The following CEP295 variants were observed in gnomAD, a reference collection of about 807,000 sequenced individuals.
CEP295 encodes the protein centrosomal protein of 295 kDa.
A neutral mutation model predicts 291.6 loss-of-function variants in CEP295; 190 were observed. That is an observed-to-expected ratio of 0.65 (90% CI 0.58 to 0.73). The LOEUF is 0.73. CEP295 is among the 30% of genes least tolerant of loss of function. The probability of loss-of-function intolerance (pLI) is 0.00; values close to 1 mark genes in which losing one functional copy is unlikely to be tolerated. For missense variants in CEP295, 2,863 were observed against 2,949.4 expected (o/e 0.97, Z 0.68); for synonymous variants, 993 against 1,038.8 (o/e 0.96, Z 0.85).
intron 18 of CEP295, among the ~76,000 whole-genome samples, chr11:93,720,305 T>G (rs1483598410): frequency 6.6e-6 from 1 of 151,238 alleles, no homozygotes; most frequent in Non-Finnish European, 1.5e-5. Context: ...AAACTCCGTC[T>G]CTACTAAAAA....
rs1591180156 is a variant in CEP295, at chr11:93,728,812, C to T, written c.7293C>T (p.Cys2431=). 1 of 1,538,030 alleles carries T rather than the reference C, an allele frequency of 6.5e-7. No individual in the cohort carries two copies. The stretch of plus-strand genomic sequence containing the variant: ...AGAAGAGCGAGAATGAAGCAAAATG[C>T]TTCTTTCAGGTAAATTTAAGCTTTC... The part of the protein sequence containing the change: ...LEEKSENEAK[C]FFQVSEFLPL... Residue 2431 remains cysteine (C), a synonymous_variant, in exon 25 of 30, where the codon TGC becomes TGT. Coordinates refer to ENST00000325212, the MANE Select transcript of CEP295 (RefSeq NM_033395.2).
chr11:93,721,118 G>A, intron 18 of CEP295, among the ~76,000 whole-genome samples, 194 bp from the exon 19 acceptor site: 1 of 152,128 alleles, frequency 6.6e-6, no homozygotes, highest in Non-Finnish European at 1.5e-5. Context: ...AAAGTATATT[G>A]TGCTGACTAG....
Position 93,667,658 on chromosome 11 carries a change from CAGA to C in CEP295, c.161_163del (p.Gln54del). ...CTTACAGATAAGAGAAGACATAAAACAGAGGAGAAATCAACAATTTACACGTTT... is the reference window on the plus strand; with the variant it reads ...CTTACAGATAAGAGAAGACATAAAACGGAGAAATCAACAATTTACACGTTT... On this transcript the variant is annotated inframe_deletion, in exon 3 of 30. Transcript: ENST00000325212. 4 of 1,551,264 alleles carry C rather than the reference CAGA, an allele frequency of 2.6e-6. No individual in the cohort carries two copies. Among genetic ancestry groups the C allele is most frequent in the Non-Finnish European group, 3.5e-6 (4 of 1,146,696 alleles).
intron 10 of CEP295, among the ~76,000 whole-genome samples, chr11:93,688,581 T>C (rs1951362827): frequency 6.6e-6 from 1 of 151,982 alleles, no homozygotes; most frequent in East Asian, 1.9e-4. Flanking sequence ...TTCACTTGGT[T>C]TTCGTACTTT....
At chr11:93,726,930 A>G in intron 23 of CEP295, 46 bp from the exon 24 acceptor site, 1 of 1,416,700 alleles carries the variant, frequency 7.1e-7, no homozygotes, top group Middle Eastern at 1.8e-4. Context: ...TCCAACTTTT[A>G]CAACATGTAA....
chr11:93,679,610 G>T, intron 7 of CEP295, 58 bp downstream of exon 7: 2 of 1,385,912 alleles, frequency 1.4e-6, no homozygotes, highest in South Asian at 2.8e-5. Flanking sequence ...AGCATTGCAG[G>T]ACTGATTAGT....
chr11:93,702,708 G>A, intron 16 of CEP295, 68 bp from the exon 17 acceptor site: 1 of 1,534,778 alleles, frequency 6.5e-7, no homozygotes, highest in East Asian at 2.5e-5. Context: ...TAGCTTGCTA[G>A]TTGAAGAAAA....
Position 93,729,463 on chromosome 11 carries a change from A to C in CEP295, c.7332A>C (p.Ala2444=), listed in dbSNP as rs954616222. ...GTGAGTTTCTGCCTCTTGTATCAGC[A>C]ACAGAAGCCTCAGATTATCCAGCTG... ...QVSEFLPLVS[A]TEASDYPAVS... The change falls in exon 26 of 30, where the codon GCA becomes GCC. Residue 2444 remains alanine, a synonymous_variant. Transcript: ENST00000325212. The C allele has an allele frequency of 6.4e-7, 1 of 1,551,886 alleles. No individual in the cohort carries two copies. The highest frequency in any genetic ancestry group is 2.0e-5 in the Admixed American group (1 of 51,006).
In CEP295 at chr11:93,666,687, T is replaced by C; in HGVS notation, c.-21T>C. 1 of 1,241,674 alleles carries C rather than the reference T, an allele frequency of 8.1e-7. No individual in the cohort carries two copies. Among genetic ancestry groups the C allele is most frequent in the Non-Finnish European group, 1.1e-6 (1 of 878,664 alleles). 76.9% of individuals were successfully genotyped at this position (1,241,674 alleles called of 1,614,324 possible). A position where few individuals can be genotyped will look rare whatever the true frequency, so the allele number is the denominator to read the frequency against. The stretch of plus-strand genomic sequence containing the variant: ...ATTTTCCTTTTTGAATTCAGAACTG[T>C]CATACATAAAGTACACAGAAATGAA... On this transcript the variant is annotated 5_prime_UTR_variant, in exon 2 of 30. Coordinates refer to ENST00000325212, the MANE Select transcript of CEP295 (RefSeq NM_033395.2).
intron 5 of CEP295, among the ~76,000 whole-genome samples, chr11:93,674,478 C>T (rs1314076779): frequency 6.6e-6 from 1 of 152,170 alleles, no homozygotes; most frequent in Non-Finnish European, 1.5e-5. Context: ...GCGTAAGGAT[C>T]GCTTGAGCTC....
At chr11:93,721,665 GGTGTGTGTGTGTGTGTGT>G (rs59894789) in intron 19 of CEP295, 26 of 607,126 alleles carry the variant, frequency 4.3e-5, no homozygotes, top group African/African-American at 4.1e-4. Flanking sequence ...GCATATGTCT[GGTGTGTGTGTGTGTGTGT>G]GTGTGTGTGT....
rs1468138382 is a variant in CEP295, at chr11:93,727,069, C to T, written c.6593C>T (p.Ala2198Val). Reference sequence around the variant, plus strand: ...CTACCAAGTATTTTTAGCATTGAAGCAAGAGATTCTTCCCAAGGCATGAAA... The same window carrying T: ...CTACCAAGTATTTTTAGCATTGAAGTAAGAGATTCTTCCCAAGGCATGAAA... Reference protein sequence around the residue: ...ADLPSIFSIEARDSSQGMKNQ... With the variant: ...ADLPSIFSIEVRDSSQGMKNQ... Residue 2198 changes from alanine (A) to valine (V), a missense_variant, in exon 24 of 30, where the codon GCA becomes GTA. Ala to Val is a moderately conservative substitution (Grantham distance 64). Around this residue, in one of 3 missense-constraint regions of CEP295, gnomAD observed 2,295 missense variants for 2,335.7 expected, o/e 0.98. Coordinates refer to ENST00000325212, the MANE Select transcript of CEP295 (RefSeq NM_033395.2). 6.4e-7 allele frequency: 1 copy of T among 1,551,410 alleles called. No individual in the cohort carries two copies. The highest frequency in any genetic ancestry group is 8.7e-7 in the Non-Finnish European group (1 of 1,146,596).
rs1159759268 is a variant in CEP295 at position 93,684,019 on chromosome 11, TA to T, written c.1007del (p.Asn336IlefsTer25). The stretch of plus-strand genomic sequence containing the variant: ...AACCAGAGCCCTTGCCCACTGTGAC[TA>T]ATCAGATCCAAGATGAAGAGCTGGA... ...LEPEPLPTVT[N>X]QIQDEELDLS... On this transcript the variant is annotated frameshift_variant, in exon 9 of 30. Coordinates refer to ENST00000325212, the MANE Select transcript of CEP295 (RefSeq NM_033395.2). LOFTEE classifies it high-confidence loss of function. 1 of 1,551,770 alleles carries T rather than the reference TA, an allele frequency of 6.4e-7. No individual in the cohort carries two copies. Among genetic ancestry groups the T allele is most frequent in the African/African-American group, 1.4e-5 (1 of 73,044 alleles).
chr11:93,675,622 C>G lies in CEP295; in HGVS notation c.580C>G (p.His194Asp). Reference sequence around the variant, plus strand: ...AGTCAAAACCAATAGTTCTACCTACCATCATCTTCACACTTTTGTGAATAG... The same window carrying G: ...AGTCAAAACCAATAGTTCTACCTACGATCATCTTCACACTTTTGTGAATAG... The part of the protein sequence containing the change: ...SAVKTNSSTY[H>D]HLHTFVNRET... The change falls in exon 6 of 30, where the codon CAT (histidine) becomes GAT (aspartate). Residue 194 changes from histidine (H) to aspartate (D), a missense_variant. Physicochemically the swap from His to Asp is moderately conservative, Grantham distance 81 (BLOSUM62 -1). Coordinates refer to ENST00000325212, the MANE Select transcript of CEP295 (RefSeq NM_033395.2). 6.6e-7 allele frequency: 1 copy of G among 1,511,524 alleles called. No homozygotes were observed. Among genetic ancestry groups the G allele is most frequent in the East Asian group, 2.6e-5 (1 of 38,370 alleles). 93.6% of individuals were successfully genotyped at this position (1,511,524 alleles called of 1,614,324 possible). A position where few individuals can be genotyped will look rare whatever the true frequency, so the allele number is the denominator to read the frequency against.
At chr11:93,723,351 A>G in intron 21 of CEP295, 62 bp downstream of exon 21, 1 of 1,215,806 alleles carries the variant, frequency 8.2e-7, no homozygotes, top group Non-Finnish European at 1.1e-6. Flanking sequence ...ACCTTTCATC[A>G]TTTTAAATTT....
rs890972956 is a variant in CEP295, at chr11:93,697,178, G to A, written c.2266G>A (p.Gly756Arg). ...QDARKISETF[G>R]ATTFQSLESQ... Reference sequence around the variant, plus strand: ...TGCTAGAAAAATATCTGAAACATTTGGGGCAACAACTTTTCAAAGTTTAGA... The same window carrying A: ...TGCTAGAAAAATATCTGAAACATTTAGGGCAACAACTTTTCAAAGTTTAGA... Residue 756 changes from glycine (G) to arginine (R), a missense_variant, in exon 15 of 30, where the codon GGG (glycine) becomes AGG (arginine). Physicochemically the swap from Gly to Arg is moderately radical, Grantham distance 125. Around this residue, in one of 3 missense-constraint regions of CEP295, gnomAD observed 2,295 missense variants for 2,335.7 expected, o/e 0.98. Transcript: ENST00000325212. The A allele has an allele frequency of 6.4e-7, 1 of 1,551,686 alleles. No individual in the cohort carries two copies. The highest frequency in any genetic ancestry group is 1.4e-5 in the African/African-American group (1 of 73,028).
At position 93,667,125 on chromosome 11, in the gene CEP295, A is replaced by T. The variant is rs144831404; in HGVS notation, c.108+310A>T. On this transcript the variant is annotated intron_variant, in intron 2 of 29. Coordinates refer to ENST00000325212, the MANE Select transcript of CEP295 (RefSeq NM_033395.2). Reference sequence around the variant, plus strand: ...ACTTTGAAGAATGCTAATTGGAAAGATTATTAGCTGCTGAAACAAATTTAT... The same window carrying T: ...ACTTTGAAGAATGCTAATTGGAAAGTTTATTAGCTGCTGAAACAAATTTAT... Among the ~76,000 whole-genome samples, 475 of 152,376 alleles carry T rather than the reference A, an allele frequency of 3.1e-3. 3 individuals carry two copies. Among genetic ancestry groups the T allele is most frequent in the African/African-American group, 0.011 (463 of 41,588 alleles).
intron 3 of CEP295, 47 bp downstream of exon 3, chr11:93,667,854 T>C: frequency 4.0e-6 from 5 of 1,264,674 alleles, no homozygotes; most frequent in Non-Finnish European, 5.4e-6. Context: ...GTAATATTAG[T>C]AAAAAGTAAA....
rs1267387732 is a variant in CEP295 at position 93,727,647 on chromosome 11, A to C, written c.7161+10A>C. 6.6e-7 allele frequency: 1 copy of C among 1,507,432 alleles called. No homozygotes were observed. Among genetic ancestry groups the C allele is most frequent in the Non-Finnish European group, 8.8e-7 (1 of 1,130,596 alleles). The allele number at this position is 1,507,432 out of a possible 1,614,324, so 93.4% of individuals were successfully genotyped here. On this transcript the variant is annotated intron_variant, in intron 24 of 29. Transcript: ENST00000325212. ...CTCTATACCAGTCTGGGTAAGTGAA[A>C]TCAGTGTTGTATAAATAACATTTAA... is the stretch of plus-strand genomic sequence containing the variant.
Sources: allele counts gnomAD v4.1 joint callset (sites outside exome capture counted in the v4.1 genomes callset), GRCh38; gene constraint gnomAD v4.1.1; regional missense constraint gnomAD v4.1.1; transcripts MANE v1.5; gene names NCBI Gene and HGNC (gene_info 2026-07-23, HGNC 2026-07-21).